RELL1: variants seen among roughly 807,000 people sequenced by gnomAD.
RELL1 encodes RELT-like protein 1.
A neutral mutation model predicts 23.0 loss-of-function variants in RELL1; 10 were observed. The observed-to-expected ratio is 0.43, with a 90% CI of 0.27 to 0.74. The LOEUF (loss-of-function observed/expected upper bound fraction) is 0.74, where lower values mean the gene tolerates loss of function less well. RELL1 is among the 30% of genes least tolerant of loss of function. The pLI is 0.19. For missense variants in RELL1, 315 were observed against 364.4 expected (o/e 0.86, Z 1.10); for synonymous variants, 146 against 146.8 (o/e 0.99, Z 0.04).
chr4:37,603,662 G>A lies in RELL1; in HGVS notation c.*4-12445C>T, dbSNP rs139247638. ...AGACAGATTTGAAAAAGAAGTGCAG[G>A]AGCATTCAAGACCATGGGCAGGCCC... On this transcript the variant is annotated intron_variant, in intron 6 of 6. Coordinates refer to the RELL1 transcript ENST00000314117. Among the ~76,000 whole-genome samples, 117 of 152,282 alleles carry A rather than the reference G, an allele frequency of 7.7e-4. 2 individuals carry two copies. In the East Asian group the frequency reaches 0.021, roughly 27 times the overall value.
chr4:37,642,765 A>G (rs1033740596), intron 3 of RELL1, among the ~76,000 whole-genome samples: 4 of 152,236 alleles, frequency 2.6e-5, no homozygotes, highest in African/African-American at 9.6e-5. Context: ...CAGGGACCTC[A>G]GGAAAGTCAG....
intron 6 of RELL1, among the ~76,000 whole-genome samples, chr4:37,627,116 A>C (rs963682385): frequency 6.6e-6 from 1 of 152,250 alleles, no homozygotes; most frequent in Non-Finnish European, 1.5e-5. Context: ...ATTTGAAAAC[A>C]TTACATTGCA....
At chr4:37,634,617 T>C (rs1720256026) in intron 5 of RELL1, among the ~76,000 whole-genome samples, 1 of 152,252 alleles carries the variant, frequency 6.6e-6, no homozygotes, top group Non-Finnish European at 1.5e-5. Flanking sequence ...ATGTCTATTC[T>C]GTATACAGTT....
chr4:37,669,703 C>G (rs1721754884), intron 1 of RELL1, among the ~76,000 whole-genome samples: 2 of 152,312 alleles, frequency 1.3e-5, no homozygotes, highest in Non-Finnish European at 2.9e-5. Flanking sequence ...AATTCTTCTA[C>G]CTTGGGATCC....
chr4:37,664,767 C>A (rs1303588369), intron 1 of RELL1, among the ~76,000 whole-genome samples: 1 of 152,002 alleles, frequency 6.6e-6, no homozygotes, highest in Admixed American at 6.6e-5. Context: ...TATCATCATT[C>A]TGTAAATAAA....
chr4:37,599,226 CG>C (rs1188862025), intron 6 of RELL1, among the ~76,000 whole-genome samples: 16 of 152,242 alleles, frequency 1.1e-4, no homozygotes, highest in African/African-American at 3.6e-4. Flanking sequence ...CCCAACGTGC[CG>C]CAAGTCAATA....
At chr4:37,677,698 C>T (rs969333567) in intron 1 of RELL1, among the ~76,000 whole-genome samples, 3 of 152,178 alleles carry the variant, frequency 2.0e-5, no homozygotes, top group South Asian at 4.1e-4. Context: ...AGGCTGGGCA[C>T]GGTGGCTCAC....
At chr4:37,683,989 G>C (rs1057399983) in intron 1 of RELL1, among the ~76,000 whole-genome samples, 13 of 152,002 alleles carry the variant, frequency 8.6e-5, no homozygotes, top group African/African-American at 2.4e-4. Context: ...GCTGAGGCAG[G>C]AGAATGGCGT....
chr4:37,620,882 GTACT>G (rs1250405774), intron 6 of RELL1, among the ~76,000 whole-genome samples: 2 of 152,162 alleles, frequency 1.3e-5, no homozygotes, highest in Admixed American at 6.5e-5. Flanking sequence ...AACCTATTTT[GTACT>G]TACTTAGGGC....
rs114701001 is a variant in RELL1, at chr4:37,640,845, C to T, written c.386-2341G>A. ...CTGATTATATAAAGTAATTTGCCAC[C>T]CAAACTTACTCTGCCAACATTTACC... On this transcript the variant is annotated intron_variant, in intron 3 of 6. Coordinates refer to ENST00000454158, the MANE Select transcript of RELL1 (RefSeq NM_001085400.2). Among the ~76,000 whole-genome samples the T allele has an allele frequency of 5.7e-3, 867 of 151,878 alleles. 15 individuals are homozygous for T. The highest frequency in any genetic ancestry group is 0.02 in the African/African-American group (832 of 41,404).
intron 1 of RELL1, among the ~76,000 whole-genome samples, chr4:37,683,656 G>T (rs1204970292): frequency 1.3e-5 from 2 of 151,918 alleles, no homozygotes; most frequent in Non-Finnish European, 2.9e-5. Flanking sequence ...TACTAGGGAG[G>T]CTGAGGCAGG....
intron 6 of RELL1, among the ~76,000 whole-genome samples, chr4:37,628,846 T>C (rs1720035733): frequency 6.6e-6 from 1 of 152,252 alleles, no homozygotes; most frequent in Non-Finnish European, 1.5e-5. Flanking sequence ...TATAATCCTG[T>C]TGAATAACAG....
rs756038742 is a variant in RELL1 at position 37,631,418 on chromosome 4, AG to A, written c.785del (p.Pro262LeufsTer2). 1 of 1,614,026 alleles carries A rather than the reference AG, an allele frequency of 6.2e-7. No homozygotes were observed. Among genetic ancestry groups the A allele is most frequent in the Non-Finnish European group, 8.5e-7 (1 of 1,179,986 alleles). ...ETVNGEVPAT[P>X]VKRERSGTE The stretch of plus-strand genomic sequence containing the variant: ...CTGTGCCACTGCGTTCTCTCTTCAC[AG>A]GTGTTGCCGGCACCTCCCCATTGAC... On this transcript the variant is annotated frameshift_variant, in exon 6 of 7. Coordinates refer to ENST00000454158, the MANE Select transcript of RELL1 (RefSeq NM_001085400.2). LOFTEE classifies it high-confidence loss of function.
intron 6 of RELL1, among the ~76,000 whole-genome samples, chr4:37,598,317 CTGCAAAGACATTACTTCAAAATAATT>C (rs1560320863): frequency 1.3e-5 from 1 of 78,760 alleles, no homozygotes; most frequent in Non-Finnish European, 2.6e-5. Flanking sequence ...GAGAAAAAAT[CTGCAAAGACATTACTTCAAAATAATT>C]TGCCAAATAT....
At chr4:37,672,952 A>C (rs1721882361) in intron 1 of RELL1, among the ~76,000 whole-genome samples, 1 of 152,162 alleles carries the variant, frequency 6.6e-6, no homozygotes, top group Admixed American at 6.5e-5. Context: ...AAAAAATGAA[A>C]ATATACCAAC....
chr4:37,648,835 C>G (rs987201046), intron 2 of RELL1, among the ~76,000 whole-genome samples: 24 of 152,166 alleles, frequency 1.6e-4, no homozygotes, highest in Non-Finnish European at 2.9e-4. Flanking sequence ...GAATCTGATT[C>G]CATAATAATA....
chr4:37,600,856 C>T (rs1353216584), intron 6 of RELL1, among the ~76,000 whole-genome samples: 3 of 151,158 alleles, frequency 2.0e-5, no homozygotes, highest in East Asian at 3.9e-4. Flanking sequence ...AATAAGTAAA[C>T]CCATATATTT....
rs1219801551 is a variant in RELL1 at position 37,611,199 on chromosome 4, TA to T, written c.*2146del. 6.6e-6 allele frequency among the ~76,000 whole-genome samples: 1 copy of T among 152,180 alleles called. No individual in the cohort carries two copies. The highest frequency in any genetic ancestry group is 2.4e-5 in the African/African-American group (1 of 41,450). On this transcript the variant is annotated 3_prime_UTR_variant, in exon 7 of 7. Transcript: ENST00000454158. ...CCCCACCATTTTGAGGGCATATTTT[TA>T]AAGCAAAAAAGTATGCTTATTTGTT... is the stretch of plus-strand genomic sequence containing the variant.
chr4:37,671,369 G>A (rs1291584994), intron 1 of RELL1, among the ~76,000 whole-genome samples: 2 of 152,222 alleles, frequency 1.3e-5, no homozygotes, highest in Non-Finnish European at 2.9e-5. Context: ...GATGAGATAG[G>A]AGATCAGCAT....
Sources: gnomAD v4.1 joint callset for allele counts (sites outside exome capture counted in the v4.1 genomes callset) on GRCh38, gnomAD v4.1.1 for gene constraint, MANE v1.5 for transcripts, NCBI Gene and HGNC (gene_info 2026-07-23, HGNC 2026-07-21) for gene names.